ARHGAP26: variants seen among roughly 807,000 people sequenced by gnomAD.
ARHGAP26 encodes the protein rho GTPase-activating protein 26.
A neutral mutation model predicts 104.8 loss-of-function variants in ARHGAP26; 38 were observed. The observed-to-expected ratio is 0.36, with a 90% confidence interval of 0.28 to 0.48. The LOEUF (loss-of-function observed/expected upper bound fraction) is 0.48. Ranked by LOEUF, ARHGAP26 falls within the 20% of genes least tolerant of loss-of-function variation. The pLI, the probability that ARHGAP26 is intolerant of heterozygous loss-of-function variation, is 0.99. For missense variants in ARHGAP26, 704 were observed against 947.9 expected, an observed-to-expected ratio of 0.74 and a Z score of 3.38; for synonymous variants, 341 against 340.0, an observed-to-expected ratio of 1.00 and a Z score of -0.03.
At chr5:143,080,476 G>A (rs1789642903) in intron 17 of ARHGAP26, among the ~76,000 whole-genome samples, 1 of 152,210 alleles carries the variant, frequency 6.6e-6, no homozygotes, top group Non-Finnish European at 1.5e-5. Context: ...GGCTCTCTGA[G>A]GAGGTAGCAT....
intron 17 of ARHGAP26, among the ~76,000 whole-genome samples, chr5:143,093,817 G>A (rs553756211): frequency 2.2e-4 from 33 of 152,308 alleles, no homozygotes; most frequent in African/African-American, 7.7e-4. Flanking sequence ...GGAAAGGGGG[G>A]TTCTGAATAT....
At position 143,056,345 on chromosome 5, in the gene ARHGAP26, G is replaced by T. The variant is rs560063348; in HGVS notation, c.1432+259G>T. Among the ~76,000 whole-genome samples, 54 of 147,954 alleles carry T rather than the reference G, an allele frequency of 3.6e-4. No homozygotes were observed. The East Asian group carries it at 0.011, about 29-fold the overall frequency. Reference sequence around the variant, plus strand: ...TTTTTTTTTTTTTTTTTTTTTGAGGGGAGGAGGATGTTGGAGGGATAGAGA... The same window carrying T: ...TTTTTTTTTTTTTTTTTTTTTGAGGTGAGGAGGATGTTGGAGGGATAGAGA... On this transcript the variant is annotated intron_variant, in intron 16 of 22. Coordinates refer to ENST00000645722, the MANE Select transcript of ARHGAP26 (RefSeq NM_001135608.3).
chr5:142,908,015 G>A (rs1455729802), intron 9 of ARHGAP26, among the ~76,000 whole-genome samples: 8 of 152,116 alleles, frequency 5.3e-5, no homozygotes, highest in Non-Finnish European at 1.5e-5. Context: ...TCTAACTTAC[G>A]TTAGGAACTG....
intron 1 of ARHGAP26, among the ~76,000 whole-genome samples, chr5:142,862,454 T>C (rs1753542084): frequency 6.6e-6 from 1 of 152,238 alleles, no homozygotes; most frequent in African/African-American, 2.4e-5. Flanking sequence ...CATTTAAAAG[T>C]TTTACAATTA....
intron 7 of ARHGAP26, among the ~76,000 whole-genome samples, chr5:142,902,875 C>A (rs1384689649): frequency 6.6e-6 from 1 of 152,092 alleles, no homozygotes; most frequent in African/African-American, 2.4e-5. Flanking sequence ...GAGGTGGGGG[C>A]AATGCTGGTG....
chr5:142,990,336 A>G (rs757140456), intron 11 of ARHGAP26, among the ~76,000 whole-genome samples: 4 of 152,072 alleles, frequency 2.6e-5, no homozygotes, highest in Non-Finnish European at 5.9e-5. Flanking sequence ...TACACAGTTT[A>G]TTCTAGTTAG....
chr5:142,999,466 G>A (rs1188957915), intron 11 of ARHGAP26, among the ~76,000 whole-genome samples: 1 of 152,114 alleles, frequency 6.6e-6, no homozygotes, highest in East Asian at 1.9e-4. Context: ...GGAGAGTGAG[G>A]CGGGTTAAGG....
intron 11 of ARHGAP26, among the ~76,000 whole-genome samples, chr5:142,941,319 T>G (rs1766317181): frequency 6.6e-6 from 1 of 152,110 alleles, no homozygotes; most frequent in African/African-American, 2.4e-5. Flanking sequence ...TGGTATGAGA[T>G]GGTATCTCAT....
rs771688592 is a variant in ARHGAP26, at chr5:143,121,157, A to C, written c.1698+10A>C. ...AGAAAACCACGAAAAGGTAATATGT[A>C]ATTGATCACTTGCAGTGAAGAATGT... On this transcript the variant is annotated intron_variant, in intron 18 of 22. Coordinates refer to ENST00000645722, the MANE Select transcript of ARHGAP26 (RefSeq NM_001135608.3). 1 of 1,609,390 alleles carries C rather than the reference A, an allele frequency of 6.2e-7. No individual in the cohort carries two copies. The highest frequency in any genetic ancestry group is 1.7e-5 in the Admixed American group (1 of 59,718).
At chr5:142,837,795 T>C (rs1769887630) in intron 1 of ARHGAP26, among the ~76,000 whole-genome samples, 2 of 152,226 alleles carry the variant, frequency 1.3e-5, no homozygotes, top group South Asian at 4.1e-4. Flanking sequence ...CATTCTCTTT[T>C]CTTAGGACTA....
intron 17 of ARHGAP26, 119 bp from the exon 18 acceptor site, chr5:143,120,869 A>G: frequency 1.0e-6 from 1 of 977,934 alleles, no homozygotes; most frequent in East Asian, 2.7e-5. Flanking sequence ...CGATGACCCA[A>G]GTTCTGGCTC....
Position 143,043,370 on chromosome 5 carries a change from T to C in ARHGAP26, c.1285+1480T>C, listed in dbSNP as rs377095395. 1.1e-4 allele frequency among the ~76,000 whole-genome samples: 17 copies of C among 152,378 alleles called. No homozygotes were observed. The East Asian group carries it at 3.1e-3, about 28-fold the overall frequency. On this transcript the variant is annotated intron_variant, in intron 14 of 22. Transcript: ENST00000645722. ...CTCAAGATTTATTTTTGCTGTTCCA[T>C]GTATTAATAGTTCTTTTTTATTGCT...
chr5:142,771,111 C>T (rs1755098789), intron 1 of ARHGAP26, 196 bp downstream of exon 1: 2 of 1,317,122 alleles, frequency 1.5e-6, no homozygotes. Flanking sequence ...AGAGACCCGT[C>T]GCTCCGCCTT....
Position 143,012,548 on chromosome 5 carries a change from C to CATATATATATATATATATTTATATAT in ARHGAP26, c.1108-1529_1108-1528insTATATATATATATATTTATATATATA, listed in dbSNP as rs1414408846. Among the ~76,000 whole-genome samples the CATATATATATATATATATTTATATAT allele has an allele frequency of 8.6e-5, 2 of 23,352 alleles. 1 individual carries two copies. Among genetic ancestry groups the CATATATATATATATATATTTATATAT allele is most frequent in the Non-Finnish European group, 2.1e-4 (2 of 9,422 alleles). The allele number at this position is 23,352 out of a possible 152,430, so 15.3% of individuals were successfully genotyped here. On this transcript the variant is annotated intron_variant, in intron 11 of 22. Transcript: ENST00000645722. Reference sequence around the variant, plus strand: ...CTGGAGGGATATATTTATATACATACATACATATATATATATATATATATA... The same window carrying CATATATATATATATATATTTATATAT: ...CTGGAGGGATATATTTATATACATACATATATATATATATATATTTATATATATACATATATATATATATATATATA...
rs189919534 is a variant in ARHGAP26, at chr5:143,038,269, G to A, written c.1210+1008G>A. On this transcript the variant is annotated intron_variant, in intron 13 of 22. Coordinates refer to ENST00000645722, the MANE Select transcript of ARHGAP26 (RefSeq NM_001135608.3). ...ATACACTTTTTTTTCCATAAGGACT[G>A]TGAGGCATTAAGTAGAGGGAAGAGA... Among the ~76,000 whole-genome samples, 20 of 152,194 alleles carry A rather than the reference G, an allele frequency of 1.3e-4. 2 individuals carry two copies. Among genetic ancestry groups the A allele is most frequent in the African/African-American group, 4.8e-4 (20 of 41,510 alleles).
At position 142,959,137 on chromosome 5, in the gene ARHGAP26, C is replaced by G. The variant is rs576239259; in HGVS notation, c.1107+27012C>G. ...CAAGTGGCTGGTAGCACAGTCTGAA[C>G]CCAGAGCTGCTGGCCCTTAATTTTA... On this transcript the variant is annotated intron_variant, in intron 11 of 22. Coordinates refer to ENST00000645722, the MANE Select transcript of ARHGAP26 (RefSeq NM_001135608.3). Among the ~76,000 whole-genome samples the G allele has an allele frequency of 2.4e-3, 368 of 152,278 alleles. 1 individual carries two copies. The highest frequency in any genetic ancestry group is 2.6e-3 in the Non-Finnish European group (174 of 68,018).
chr5:143,097,067 G>A (rs140698637), intron 17 of ARHGAP26, among the ~76,000 whole-genome samples: 6 of 152,196 alleles, frequency 3.9e-5, no homozygotes, highest in South Asian at 2.1e-4. Context: ...GACCATGCGC[G>A]GTGGCTCATG....
intron 17 of ARHGAP26, among the ~76,000 whole-genome samples, chr5:143,073,074 A>C (rs1036121822): frequency 6.6e-6 from 1 of 152,184 alleles, no homozygotes; most frequent in African/African-American, 2.4e-5. Flanking sequence ...GTAATAGTTA[A>C]ATCTGATCTT....
At chr5:142,906,037 C>G (rs1373145726) in intron 8 of ARHGAP26, among the ~76,000 whole-genome samples, 1 of 152,176 alleles carries the variant, frequency 6.6e-6, no homozygotes, top group Admixed American at 6.5e-5. Context: ...CATTTTTGAA[C>G]AACACAGTCC....
Sources: allele counts gnomAD v4.1 joint callset (sites outside exome capture counted in the v4.1 genomes callset), GRCh38; gene constraint gnomAD v4.1.1; transcripts MANE v1.5; gene names NCBI Gene and HGNC (gene_info 2026-07-23, HGNC 2026-07-21).